OR1J2: variants seen among roughly 807,000 people sequenced by gnomAD.
OR1J2 encodes the protein olfactory receptor family 1 subfamily J member 2, also known as olfactory receptor 1J2.
For synonymous variants in OR1J2, 142 were observed against 99.7 expected (o/e 1.42, Z -2.52); for missense variants, 304 against 246.1 (o/e 1.24, Z -1.57).
chr9:122,468,060 A>G, the OR1J2 span, among the ~76,000 whole-genome samples: 1 of 152,200 alleles, frequency 6.6e-6, no homozygotes, highest in Non-Finnish European at 1.5e-5. Context: ...GACTTAGAGG[A>G]TGTAATTTTT....
At chr9:122,510,096 G>A (rs539460204), upstream of OR1J2, among the ~76,000 whole-genome samples, 5 of 152,120 alleles carry the variant, frequency 3.3e-5, no homozygotes, top group African/African-American at 9.6e-5. Context: ...CATGGCACAC[G>A]TTTACCTGTG....
chr9:122,540,535 G>T, the OR1J2 span, among the ~76,000 whole-genome samples: 1 of 151,826 alleles, frequency 6.6e-6, no homozygotes, highest in Admixed American at 6.6e-5. Flanking sequence ...AGTATAGTTT[G>T]AAGTCAGGTA....
At chr9:122,525,664 G>A in the OR1J2 span, among the ~76,000 whole-genome samples, 6 of 152,108 alleles carry the variant, frequency 3.9e-5, no homozygotes, top group African/African-American at 1.2e-4. Context: ...GGCATTGCAC[G>A]TTTCTGACCA....
At chr9:122,515,218 A>G (rs1396258408), downstream of OR1J2, among the ~76,000 whole-genome samples, 2 of 152,138 alleles carry the variant, frequency 1.3e-5, no homozygotes, top group African/African-American at 4.8e-5. Flanking sequence ...AGTGAGGTTT[A>G]GGACCACAGA....
At chr9:122,528,486 T>G in the OR1J2 span, among the ~76,000 whole-genome samples, 10 of 152,282 alleles carry the variant, frequency 6.6e-5, no homozygotes, top group African/African-American at 2.4e-4. Context: ...TAATCCCAGC[T>G]ACTTGGTAGG....
At chr9:122,539,801 G>A in the OR1J2 span, among the ~76,000 whole-genome samples, 45 of 152,182 alleles carry the variant, frequency 3.0e-4, 2 homozygotes, top group Admixed American at 2.4e-3. Context: ...TTTAATGATC[G>A]CCATTCTAAT....
At chr9:122,448,258 C>A in the OR1J2 span, among the ~76,000 whole-genome samples, 1 of 152,084 alleles carries the variant, frequency 6.6e-6, no homozygotes, top group Non-Finnish European at 1.5e-5. Flanking sequence ...TACACGTAGG[C>A]CAGATTTATG....
the OR1J2 span, among the ~76,000 whole-genome samples, chr9:122,569,400 C>T: frequency 5.7e-5 from 6 of 105,652 alleles, no homozygotes; most frequent in African/African-American, 2.2e-4. Context: ...CAGTTACCTA[C>T]CAATGGATAT....
At chr9:122,485,663 G>A in the OR1J2 span, among the ~76,000 whole-genome samples, 2,165 of 152,324 alleles carry the variant, frequency 0.014, 37 homozygotes, top group African/African-American at 0.049. Flanking sequence ...GAGCCCTATG[G>A]CCAACACTCT....
the OR1J2 span, among the ~76,000 whole-genome samples, chr9:122,474,147 C>T: frequency 8.5e-5 from 13 of 152,248 alleles, no homozygotes; most frequent in Admixed American, 1.3e-4. Context: ...AAACTGGACT[C>T]GTCATATTAT....
chr9:122,532,001 ATGTG>A, the OR1J2 span, among the ~76,000 whole-genome samples: 81 of 149,554 alleles, frequency 5.4e-4, no homozygotes, highest in Middle Eastern at 0.01. Context: ...CCTGAGCTTG[ATGTG>A]TAGGGAAGGC....
At chr9:122,566,566 T>TA in the OR1J2 span, among the ~76,000 whole-genome samples, 11 of 152,220 alleles carry the variant, frequency 7.2e-5, no homozygotes, top group Non-Finnish European at 1.6e-4. Flanking sequence ...TGCATATAGT[T>TA]ACACTTTATG....
the OR1J2 span, among the ~76,000 whole-genome samples, chr9:122,479,764 CT>C: frequency 6.6e-6 from 1 of 152,120 alleles, no homozygotes; most frequent in Admixed American, 6.5e-5. Context: ...TTCCATGTTC[CT>C]TTCTCTTTTT....
upstream of OR1J2, among the ~76,000 whole-genome samples, chr9:122,507,635 A>G (rs1433071346): frequency 6.6e-6 from 1 of 152,060 alleles, no homozygotes; most frequent in Non-Finnish European, 1.5e-5. Context: ...CCCTGTGCTC[A>G]TATGTGTTCT....
At chr9:122,537,880 C>T in the OR1J2 span, among the ~76,000 whole-genome samples, 1 of 152,166 alleles carries the variant, frequency 6.6e-6, no homozygotes, top group African/African-American at 2.4e-5. Context: ...GCCATTTTTA[C>T]AGTTGAATGC....
chr9:122,459,884 T>C, the OR1J2 span, among the ~76,000 whole-genome samples: 1 of 152,212 alleles, frequency 6.6e-6, no homozygotes, highest in African/African-American at 2.4e-5. Flanking sequence ...GTCTATTGAA[T>C]TAGATTGGTG....
At chr9:122,456,462 T>A in the OR1J2 span, among the ~76,000 whole-genome samples, 1 of 152,324 alleles carries the variant, frequency 6.6e-6, no homozygotes, top group East Asian at 1.9e-4. Flanking sequence ...TCTTATTTTA[T>A]CTTATCTTAT....
chr9:122,481,687 A>G, the OR1J2 span, among the ~76,000 whole-genome samples: 1,025 of 152,298 alleles, frequency 6.7e-3, 8 homozygotes, highest in African/African-American at 0.024. Context: ...AAAAATATAC[A>G]TGAAGACACC....
chr9:122,520,644 A>T, the OR1J2 span, among the ~76,000 whole-genome samples: 16 of 152,350 alleles, frequency 1.1e-4, no homozygotes, highest in African/African-American at 3.8e-4. Flanking sequence ...ACCAATGTTT[A>T]TGAAGCTTTC....
Sources: allele counts gnomAD v4.1 joint callset (sites outside exome capture counted in the v4.1 genomes callset), GRCh38; gene constraint gnomAD v4.1.1; transcripts MANE v1.5; gene names NCBI Gene and HGNC (gene_info 2026-07-23, HGNC 2026-07-21).